The following NLRP12 variants were observed in gnomAD, a reference collection of about 807,000 sequenced individuals.
NLRP12 encodes the protein NACHT, LRR and PYD domains-containing protein 12.
A neutral mutation model predicts 91.2 loss-of-function variants in NLRP12; 108 were observed. The observed-to-expected ratio is 1.18, with a 90% CI of 1.01 to 1.39. The LOEUF (loss-of-function observed/expected upper bound fraction) is 1.39. Among genes scored for constraint, NLRP12 ranks in the 40% most tolerant of loss-of-function variants. The pLI, the probability that NLRP12 is intolerant of heterozygous loss-of-function variation, is 0.00. For missense variants in NLRP12, 1,530 were observed against 1,352.7 expected (o/e 1.13, Z -2.06); for synonymous variants, 613 against 566.7 (o/e 1.08, Z -1.16).
At position 53,796,108 on chromosome 19, in the gene NLRP12, C is replaced by T. The variant is rs775154836; in HGVS notation, c.2928-79G>A. The T allele has an allele frequency of 5.0e-6, 7 of 1,390,640 alleles. No individual in the cohort carries two copies. In the African/African-American group the frequency reaches 9.9e-5, roughly 20 times the overall value. 86.1% of individuals were successfully genotyped at this position (1,390,640 alleles called of 1,614,324 possible). On this transcript the variant is annotated intron_variant, in intron 8 of 9. Transcript: ENST00000324134. ...CGGAGGCAGTGTCTCACCCTGTCTC[C>T]CAGGCTGGAGTACAGTGGTGAGATT...
Position 53,822,871 on chromosome 19 carries a change from G to A in NLRP12, c.289+1015C>T, listed in dbSNP as rs530052319. 2.0e-3 allele frequency among the ~76,000 whole-genome samples: 309 copies of A among 151,892 alleles called. 1 individual carries two copies. The highest frequency in any genetic ancestry group is 6.7e-3 in the African/African-American group (276 of 41,440). On this transcript the variant is annotated intron_variant, in intron 1 of 9. Coordinates refer to ENST00000324134, the MANE Select transcript of NLRP12 (RefSeq NM_144687.4). ...CAATCTCCACCTCTCAGGTTCAAGC[G>A]ATTCTCCTGCCTCAGCCTCCCATGT...
chr19:53,801,158 G>A (rs1165184950), intron 7 of NLRP12, 69 bp downstream of exon 7: 29 of 1,439,944 alleles, frequency 2.0e-5, no homozygotes, highest in African/African-American at 2.8e-5. Flanking sequence ...CCTGGCCTCC[G>A]TGGTCCCAGG....
chr19:53,796,006 G>C lies in NLRP12; in HGVS notation c.2951C>G (p.Ala984Gly). 6.2e-7 allele frequency: 1 copy of C among 1,614,094 alleles called. No homozygotes were observed. The highest frequency in any genetic ancestry group is 1.1e-5 in the South Asian group (1 of 91,090). The change falls in exon 9 of 10, where the codon GCC (alanine) becomes GGC (glycine). Residue 984 changes from alanine to glycine, a missense_variant. By Grantham distance (60) the Ala-to-Gly change is moderately conservative. Transcript: ENST00000324134. Reference sequence around the variant, plus strand: ...GAAGTAAAGATTCTCACAAGCCTTGGCTGTGAGGCCACAGCTATCCAGCCT... The same window carrying C: ...GAAGTAAAGATTCTCACAAGCCTTGCCTGTGAGGCCACAGCTATCCAGCCT... ...KLWLDSCGLT[A>G]KACENLYFTL...
intron 2 of NLRP12, among the ~76,000 whole-genome samples, chr19:53,812,594 C>T (rs912327207): frequency 6.6e-6 from 1 of 151,972 alleles, no homozygotes; most frequent in East Asian, 1.9e-4. Context: ...CACAGGACGA[C>T]CCCATAGCAA....
chr19:53,823,961 A>T lies in NLRP12; in HGVS notation c.214T>A (p.Leu72Met). 6.2e-7 allele frequency: 1 copy of T among 1,613,978 alleles called. No homozygotes were observed. The highest frequency in any genetic ancestry group is 8.5e-7 in the Non-Finnish European group (1 of 1,180,008). Residue 72 changes from leucine to methionine, a missense_variant, in exon 1 of 10, where the codon TTG (leucine) becomes ATG (methionine). By Grantham distance (15) the Leu-to-Met change is conservative. Transcript: ENST00000324134. The part of the protein sequence containing the change: ...THFGPEEAWR[L>M]ALSTFERINR... ...ATCCGCTCAAAGGTGCTGAGAGCCA[A>T]CCTCCAGGCCTCCTCTGGCCCGAAG...
rs750095644 is a variant in NLRP12 at position 53,794,031 on chromosome 19, G to C, written c.*18C>G. ...TCCTCTGTCCAGATCTCAGGGGAGA[G>C]CCAGCAGATAGGACCATTCAGCAGC... is the stretch of plus-strand genomic sequence containing the variant. On this transcript the variant is annotated 3_prime_UTR_variant, in exon 10 of 10. Transcript: ENST00000324134. The C allele has an allele frequency of 4.4e-6, 7 of 1,579,630 alleles. No individual in the cohort carries two copies. Among genetic ancestry groups the C allele is most frequent in the Non-Finnish European group, 5.2e-6 (6 of 1,148,586 alleles).
intron 4 of NLRP12, among the ~76,000 whole-genome samples, chr19:53,806,241 CAT>C (rs1018441670): frequency 1.3e-4 from 19 of 151,480 alleles, no homozygotes; most frequent in South Asian, 4.2e-4. Flanking sequence ...CAAAAAATAA[CAT>C]ATGAAAAAAA....
intron 8 of NLRP12, among the ~76,000 whole-genome samples, chr19:53,796,946 C>G (rs1224773207): frequency 7.0e-6 from 1 of 143,644 alleles, no homozygotes; most frequent in African/African-American, 2.6e-5. Flanking sequence ...GAGCCAAGAT[C>G]GTGCCACTGC....
intron 3 of NLRP12, chr19:53,808,630 G>C (rs1231798170): frequency 6.6e-6 from 1 of 152,188 alleles, no homozygotes; most frequent in Non-Finnish European, 1.5e-5. Flanking sequence ...CAAGGTGGAG[G>C]TTGCAGTGAG....
intron 2 of NLRP12, among the ~76,000 whole-genome samples, chr19:53,814,319 G>A (rs1230602188): frequency 1.3e-5 from 2 of 152,060 alleles, no homozygotes; most frequent in Non-Finnish European, 2.9e-5. Context: ...GATGTGACTG[G>A]TAACAGGGAG....
At chr19:53,821,124 C>T (rs571403860) in intron 1 of NLRP12, among the ~76,000 whole-genome samples, 10 of 150,716 alleles carry the variant, frequency 6.6e-5, no homozygotes, top group East Asian at 4.0e-4. Flanking sequence ...CAACCTCCAC[C>T]GCCTGGGTTC....
intron 6 of NLRP12, 147 bp from the exon 7 acceptor site, chr19:53,801,544 C>A (rs2091874979): frequency 8.8e-7 from 1 of 1,142,806 alleles, no homozygotes; most frequent in Admixed American, 2.4e-5. Flanking sequence ...CCTCCACCTC[C>A]CATGTTCAAG....
chr19:53,822,924 C>T (rs932002581), intron 1 of NLRP12, among the ~76,000 whole-genome samples: 29 of 151,728 alleles, frequency 1.9e-4, no homozygotes, highest in African/African-American at 6.3e-4. Flanking sequence ...TGTGCCACCA[C>T]GCCTGGCTAA....
chr19:53,811,260 G>C lies in NLRP12; in HGVS notation c.399C>G (p.Val133=). The part of the protein sequence containing the change: ...KDPQETYRDY[V]RRKFRLMEDR... ...CTTCCATGAGCCGGAATTTCCTGCG[G>C]ACATAGTCCCTGTAGGTTTCCTGGG... The change falls in exon 3 of 10, where the codon GTC becomes GTG. Residue 133 remains valine (V), a synonymous_variant. Transcript: ENST00000324134. 2 of 1,614,006 alleles carry C rather than the reference G, an allele frequency of 1.2e-6. No individual in the cohort carries two copies. The highest frequency in any genetic ancestry group is 1.7e-6 in the Non-Finnish European group (2 of 1,180,032).
chr19:53,821,423 C>G (rs564895284), intron 1 of NLRP12, among the ~76,000 whole-genome samples: 143 of 152,068 alleles, frequency 9.4e-4, no homozygotes, highest in African/African-American at 3.3e-3. Flanking sequence ...AATCACAGCA[C>G]TTTGGGAGGC....
rs922832985 is a variant in NLRP12, at chr19:53,805,296, T to C, written c.2398A>G (p.Arg800Gly). Reference protein sequence around the residue: ...LCEGLRHPQCRLQMIQLRKCQ... With the variant: ...LCEGLRHPQCGLQMIQLRKCQ... ...GAGACTCACTGAATCATCTGCAGCC[T>C]GCACTGGGGATGCCGCAGGCCCTCG... The change falls in exon 5 of 10, where the codon AGG (arginine) becomes GGG (glycine). Residue 800 changes from arginine (R) to glycine (G), a missense_variant. Coordinates refer to ENST00000324134, the MANE Select transcript of NLRP12 (RefSeq NM_144687.4). 6.2e-7 allele frequency: 1 copy of C among 1,614,036 alleles called. No homozygotes were observed. Among genetic ancestry groups the C allele is most frequent in the Non-Finnish European group, 8.5e-7 (1 of 1,179,966 alleles).
chr19:53,814,201 G>A (rs1427924370), intron 2 of NLRP12, among the ~76,000 whole-genome samples: 4 of 152,136 alleles, frequency 2.6e-5, no homozygotes, highest in Non-Finnish European at 5.9e-5. Flanking sequence ...AAGCCTCAGA[G>A]GATGAATTAT....
At chr19:53,812,392 G>A (rs1196130883) in intron 2 of NLRP12, among the ~76,000 whole-genome samples, 1 of 148,170 alleles carries the variant, frequency 6.7e-6, no homozygotes, top group Non-Finnish European at 1.5e-5. Flanking sequence ...CAGCCTGGGC[G>A]ACAGCGTGAG....
At chr19:53,819,451 ATATATATG>A (rs1189464539) in intron 1 of NLRP12, among the ~76,000 whole-genome samples, 11 of 10,724 alleles carry the variant, frequency 1.0e-3, no homozygotes, top group African/African-American at 1.8e-3. Context: ...ATATATATAT[ATATATATG>A]TGTGTGTGTG....
Sources: allele counts gnomAD v4.1 joint callset (sites outside exome capture counted in the v4.1 genomes callset), GRCh38; gene constraint gnomAD v4.1.1; transcripts MANE v1.5; gene names NCBI Gene and HGNC (gene_info 2026-07-23, HGNC 2026-07-21).